The following BNC2 variants were observed in gnomAD, a reference collection of about 807,000 sequenced individuals.
The protein encoded by BNC2 is basonuclin zinc finger protein 2.
A neutral mutation model predicts 76.3 loss-of-function variants in BNC2; 20 were observed. The ratio of observed to expected loss-of-function variants is 0.26; its 90% CI spans 0.18 to 0.38. The LOEUF is 0.38. BNC2 is among the 10% of genes least tolerant of loss of function. The pLI, the probability that BNC2 is intolerant of heterozygous loss-of-function variation, is 1.00. For missense variants in BNC2, 1,382 were observed against 1,399.8 expected (o/e 0.99, Z 0.20); for synonymous variants, 582 against 514.8 (o/e 1.13, Z -1.77).
chr9:16,539,535 G>C (rs1227704125), intron 5 of BNC2, among the ~76,000 whole-genome samples: 3 of 143,792 alleles, frequency 2.1e-5, no homozygotes, highest in African/African-American at 7.8e-5. Flanking sequence ...TGGAGAGAGA[G>C]AGGAAGAGAG....
At chr9:16,537,890 T>G (rs573661185) in intron 5 of BNC2, among the ~76,000 whole-genome samples, 1 of 152,320 alleles carries the variant, frequency 6.6e-6, no homozygotes, top group East Asian at 1.9e-4. Flanking sequence ...TTTATAAAGT[T>G]CCTTTTTAAG....
At position 16,808,485 on chromosome 9, in the gene BNC2, T is replaced by C. The variant is rs564604460; in HGVS notation, c.3+62161A>G. Among the ~76,000 whole-genome samples, 46 of 124,684 alleles carry C rather than the reference T, an allele frequency of 3.7e-4. 1 individual carries two copies. The East Asian group carries it at 9.6e-3, about 26-fold the overall frequency. 81.8% of individuals were successfully genotyped at this position (124,684 alleles called of 152,430 possible). On this transcript the variant is annotated intron_variant, in intron 1 of 6. Transcript: ENST00000380672. ...GTTGTGTGATCTTGGGCAACTTTTT[T>C]TTTTTTTTTTTTTTTTTTTTTGAGA...
chr9:16,757,503 G>A (rs1264566761), intron 1 of BNC2, among the ~76,000 whole-genome samples: 4 of 152,174 alleles, frequency 2.6e-5, no homozygotes, highest in Non-Finnish European at 5.9e-5. Flanking sequence ...AAATCGAAAT[G>A]TGAGAAATAT....
At chr9:16,552,205 A>C (rs550135937) in intron 5 of BNC2, among the ~76,000 whole-genome samples, 1 of 152,312 alleles carries the variant, frequency 6.6e-6, no homozygotes, top group East Asian at 1.9e-4. Flanking sequence ...TACCCGCCTC[A>C]AAGAGCCCTC....
intron 3 of BNC2, among the ~76,000 whole-genome samples, chr9:16,643,120 T>C (rs1024517250): frequency 2.0e-5 from 3 of 152,028 alleles, no homozygotes; most frequent in African/African-American, 7.2e-5. Flanking sequence ...CTTTTCTATA[T>C]AGAGCTGGCA....
At chr9:16,520,911 A>G (rs73645993) in intron 5 of BNC2, among the ~76,000 whole-genome samples, 17,835 of 152,246 alleles carry the variant, frequency 0.12, 3,130 homozygotes, top group African/African-American at 0.38. Context: ...GCAATTTTGA[A>G]GAATTTCCTC....
At chr9:16,839,076 C>G (rs1005828930) in intron 1 of BNC2, among the ~76,000 whole-genome samples, 1 of 152,184 alleles carries the variant, frequency 6.6e-6, no homozygotes, top group African/African-American at 2.4e-5. Context: ...AGAGCTGATA[C>G]ATAAAAGTTT....
intron 3 of BNC2, among the ~76,000 whole-genome samples, chr9:16,636,898 C>A (rs1821344545): frequency 6.6e-6 from 1 of 151,746 alleles, no homozygotes; most frequent in African/African-American, 2.4e-5. Context: ...CAATTTAAAT[C>A]ATTTGTCCTA....
Position 16,841,356 on chromosome 9 carries a change from G to A in BNC2, c.3+29290C>T, listed in dbSNP as rs754744614. ...ACAGCATAGTTGGGATTCAAACTCA[G>A]GACTCCGACGCTTTCTATACCTACA... On this transcript the variant is annotated intron_variant, in intron 1 of 6. Coordinates refer to ENST00000380672, the MANE Select transcript of BNC2 (RefSeq NM_017637.6). Among the ~76,000 whole-genome samples, 96 of 152,118 alleles carry A rather than the reference G, an allele frequency of 6.3e-4. 1 individual carries two copies. Among genetic ancestry groups the A allele is most frequent in the Non-Finnish European group, 4.1e-4 (28 of 68,030 alleles).
intron 5 of BNC2, among the ~76,000 whole-genome samples, chr9:16,534,058 G>A (rs1344698577): frequency 2.6e-5 from 4 of 152,140 alleles, no homozygotes; most frequent in Non-Finnish European, 5.9e-5. Flanking sequence ...AATGGTGTAA[G>A]TGCTTTTTAA....
At position 16,740,532 on chromosome 9, in the gene BNC2, T is replaced by C. The variant is rs182274057; in HGVS notation, c.4-2047A>G. Among the ~76,000 whole-genome samples the C allele has an allele frequency of 4.1e-3, 628 of 152,278 alleles. 7 individuals are homozygous for C. The highest frequency in any genetic ancestry group is 0.015 in the African/African-American group (603 of 41,542). On this transcript the variant is annotated intron_variant, in intron 1 of 6. Transcript: ENST00000380672. Reference sequence around the variant, plus strand: ...TAGACTGATAGGTATACAGAATCCATATTGCAGAGGAGTTAAGAAGTAAGC... The same window carrying C: ...TAGACTGATAGGTATACAGAATCCACATTGCAGAGGAGTTAAGAAGTAAGC...
At chr9:16,582,892 GACACACACAC>G (rs149223772) in intron 4 of BNC2, 81 bp downstream of exon 4, 402 of 627,022 alleles carry the variant, frequency 6.4e-4, no homozygotes, top group South Asian at 1.5e-3. Flanking sequence ...CCTCTAAACA[GACACACACAC>G]ACACACACAC....
At chr9:16,610,459 T>C (rs1034811122) in intron 3 of BNC2, among the ~76,000 whole-genome samples, 46 of 152,014 alleles carry the variant, frequency 3.0e-4, no homozygotes, top group African/African-American at 1.1e-3. Flanking sequence ...TTTGAAGGAA[T>C]GATAAACTGA....
chr9:16,840,924 T>C (rs548810895), intron 1 of BNC2, among the ~76,000 whole-genome samples: 2 of 152,308 alleles, frequency 1.3e-5, no homozygotes, highest in East Asian at 1.9e-4. Flanking sequence ...GTAGATAATA[T>C]TGTATCTAAC....
chr9:16,545,812 T>G (rs1346669287), intron 5 of BNC2, among the ~76,000 whole-genome samples: 1 of 152,144 alleles, frequency 6.6e-6, no homozygotes, highest in African/African-American at 2.4e-5. Flanking sequence ...CTTCATCTTC[T>G]CTCAGGGTTG....
rs1263660491 is a variant in BNC2, at chr9:16,436,231, C to T, written c.1963G>A (p.Asp655Asn). 16 of 1,614,040 alleles carry T rather than the reference C, an allele frequency of 9.9e-6. No homozygotes were observed. Among genetic ancestry groups the T allele is most frequent in the Non-Finnish European group, 1.4e-5 (16 of 1,180,036 alleles). The part of the protein sequence containing the change: ...EIIDTADEFD[D>N]EDDDPNDGGA... ...CCATCATTGGGGTCATCATCTTCAT[C>T]ATCAAACTCATCGGCGGTATCAATA... The change falls in exon 6 of 7, where the codon GAT becomes AAT. Residue 655 changes from aspartate (D) to asparagine (N), a missense_variant. Asp to Asn is a conservative substitution (Grantham distance 23). Around this residue, in one of 3 missense-constraint regions of BNC2, gnomAD observed 798 missense variants for 775.5 expected, o/e 1.03. Coordinates refer to ENST00000380672, the MANE Select transcript of BNC2 (RefSeq NM_017637.6).
At chr9:16,579,675 A>T (rs1819578214) in intron 4 of BNC2, 1 of 154,984 alleles carries the variant, frequency 6.5e-6, no homozygotes, top group African/African-American at 2.4e-5. Context: ...TCTGTAAGTC[A>T]ACAGAGAGAA....
At chr9:16,772,706 A>C (rs1303218797) in intron 1 of BNC2, among the ~76,000 whole-genome samples, 1 of 152,204 alleles carries the variant, frequency 6.6e-6, no homozygotes, top group Non-Finnish European at 1.5e-5. Context: ...TTCAAGCCCA[A>C]CAAATTGAAG....
intron 6 of BNC2, among the ~76,000 whole-genome samples, chr9:16,426,106 C>T (rs1363707719): frequency 6.6e-6 from 1 of 152,182 alleles, no homozygotes; most frequent in Non-Finnish European, 1.5e-5. Context: ...CAGTTTACTA[C>T]TATTGTTGGG....
Sources: allele counts gnomAD v4.1 joint callset (sites outside exome capture counted in the v4.1 genomes callset), GRCh38; gene constraint gnomAD v4.1.1; regional missense constraint gnomAD v4.1.1; transcripts MANE v1.5; gene names NCBI Gene and HGNC (gene_info 2026-07-23, HGNC 2026-07-21).